PPFIA2: variants seen among roughly 807,000 people sequenced by gnomAD.
PPFIA2 encodes the protein liprin-alpha-2.
PPFIA2 carries 46 observed loss-of-function variants against 175.5 expected under a neutral mutation model. That is an observed-to-expected ratio of 0.26 (90% CI 0.21 to 0.34). PPFIA2 has a LOEUF of 0.34. Among genes scored for constraint, PPFIA2 ranks in the 10% least tolerant of loss-of-function variants. The pLI is 1.00. For missense variants in PPFIA2, 1,179 were observed against 1,506.1 expected (o/e 0.78, Z 3.60); for synonymous variants, 568 against 511.4 (o/e 1.11, Z -1.49).
intron 4 of PPFIA2, among the ~76,000 whole-genome samples, chr12:81,522,369 T>C (rs1265712266): frequency 6.6e-6 from 1 of 152,200 alleles, no homozygotes; most frequent in Non-Finnish European, 1.5e-5. Flanking sequence ...TACATATGTC[T>C]TGCATGATCA....
At chr12:81,260,780 G>T (rs2035195491) in intron 32 of PPFIA2, 1 of 152,058 alleles carries the variant, frequency 6.6e-6, no homozygotes, top group Non-Finnish European at 1.5e-5. Context: ...GTCTATAACT[G>T]TTTTCTCTTA....
chr12:81,348,619 C>G (rs1429129421), intron 17 of PPFIA2, among the ~76,000 whole-genome samples: 2 of 152,040 alleles, frequency 1.3e-5, no homozygotes, highest in African/African-American at 4.8e-5. Context: ...GCCTGTAATC[C>G]CAGCTACTCG....
chr12:81,533,478 A>G (rs1320718256), intron 4 of PPFIA2, among the ~76,000 whole-genome samples: 1 of 151,604 alleles, frequency 6.6e-6, no homozygotes, highest in African/African-American at 2.4e-5. Flanking sequence ...GGTAGATTAC[A>G]CTGAGTTACA....
chr12:81,660,878 G>C (rs541195258), intron 4 of PPFIA2, among the ~76,000 whole-genome samples: 1 of 152,304 alleles, frequency 6.6e-6, no homozygotes, highest in African/African-American at 2.4e-5. Context: ...CCAGATGAGA[G>C]TGGGGGCCAA....
chr12:81,714,065 G>A (rs1018948797), intron 3 of PPFIA2, among the ~76,000 whole-genome samples: 4 of 151,084 alleles, frequency 2.6e-5, no homozygotes, highest in Admixed American at 2.0e-4. Context: ...GAAGAGTTCT[G>A]AGGACCATCC....
chr12:81,665,241 A>G (rs1297571492), intron 4 of PPFIA2, among the ~76,000 whole-genome samples: 2 of 152,044 alleles, frequency 1.3e-5, no homozygotes, highest in Non-Finnish European at 2.9e-5. Context: ...TCTTTTTCTA[A>G]CCCAGAGTTG....
chr12:81,445,485 G>A (rs2051088036), intron 6 of PPFIA2, 71 bp downstream of exon 6: 2 of 1,445,380 alleles, frequency 1.4e-6, no homozygotes, highest in African/African-American at 1.4e-5. Flanking sequence ...GTGAGTCAAT[G>A]GATGAAGACA....
At chr12:81,671,955 T>A (rs942959323) in intron 4 of PPFIA2, among the ~76,000 whole-genome samples, 1 of 151,968 alleles carries the variant, frequency 6.6e-6, no homozygotes, top group African/African-American at 2.4e-5. Context: ...TTTCATCTCA[T>A]CTTGTGCTTA....
chr12:81,386,236 C>A (rs865801263), intron 8 of PPFIA2, among the ~76,000 whole-genome samples: 150 of 151,210 alleles, frequency 9.9e-4, no homozygotes, highest in Admixed American at 4.6e-4. Context: ...CATGATCATG[C>A]CACAGCAATC....
At chr12:81,373,388 G>GA (rs1477652360) in intron 11 of PPFIA2, among the ~76,000 whole-genome samples, 1 of 151,810 alleles carries the variant, frequency 6.6e-6, no homozygotes, top group African/African-American at 2.4e-5. Context: ...GTGTTTGCAA[G>GA]AAAAAATGAA....
At position 81,299,339 on chromosome 12, in the gene PPFIA2, C is replaced by A. The variant is rs753852843; in HGVS notation, c.2686G>T (p.Ala896Ser). 6.3e-7 allele frequency: 1 copy of A among 1,597,026 alleles called. No homozygotes were observed. Among genetic ancestry groups the A allele is most frequent in the Admixed American group, 1.7e-5 (1 of 57,980 alleles). The change falls in exon 23 of 33, where the codon GCC becomes TCC. Residue 896 changes from alanine (A) to serine (S), a missense_variant. Around this residue, in one of 10 missense-constraint regions of PPFIA2, gnomAD observed 44 missense variants for 81.3 expected, o/e 0.54. Transcript: ENST00000549396. ...EEARRKGLPF[A>S]QWDGPTVVAW... Reference sequence around the variant, plus strand: ...ACCACAGTTGGCCCATCCCACTGGGCAAAAGGTAATCCCTTTCTCCGAGCT... The same window carrying A: ...ACCACAGTTGGCCCATCCCACTGGGAAAAAGGTAATCCCTTTCTCCGAGCT...
At chr12:81,451,044 T>G (rs2052471727) in intron 5 of PPFIA2, among the ~76,000 whole-genome samples, 1 of 152,146 alleles carries the variant, frequency 6.6e-6, no homozygotes, top group African/African-American at 2.4e-5. Flanking sequence ...AATTCATAAC[T>G]GCCAACTAGG....
chr12:81,339,204 C>CT lies in PPFIA2; in HGVS notation c.2523dup (p.Glu842ArgfsTer15). 1.2e-6 allele frequency: 2 copies of CT among 1,602,616 alleles called. No individual in the cohort carries two copies. Among genetic ancestry groups the CT allele is most frequent in the Non-Finnish European group, 1.7e-6 (2 of 1,174,866 alleles). On this transcript the variant is annotated frameshift_variant, in exon 21 of 33. Coordinates refer to ENST00000549396, the MANE Select transcript of PPFIA2 (RefSeq NM_003625.5). LOFTEE classifies it high-confidence loss of function. ...CGGAGCTGCCCAAGTCGAGCTTTTT[C>CT]TTTTTTACCAAACAAACGTCCTATT...
rs150398418 is a variant in PPFIA2 at position 81,661,870 on chromosome 12, A to G, written c.303+14921T>C. 9.1e-3 allele frequency among the ~76,000 whole-genome samples: 1,387 copies of G among 152,350 alleles called. 8 individuals carry two copies. The highest frequency in any genetic ancestry group is 0.013 in the Admixed American group (204 of 15,298). The stretch of plus-strand genomic sequence containing the variant: ...CTGTCTCTCAGACCACAGTGCAATC[A>G]AACTAGAATTCAGGATTAAGAAACT... On this transcript the variant is annotated intron_variant, in intron 4 of 32. Transcript: ENST00000549396.
chr12:81,368,948 A>T, intron 12 of PPFIA2, 92 bp from the exon 13 acceptor site: 1 of 1,433,634 alleles, frequency 7.0e-7, no homozygotes, highest in Non-Finnish European at 9.4e-7. Context: ...ATTTAATTTT[A>T]CATCTGTTTT....
intron 13 of PPFIA2, chr12:81,368,014 G>A (rs1281397570): frequency 1.1e-6 from 1 of 927,202 alleles, no homozygotes; most frequent in South Asian, 1.4e-5. Flanking sequence ...TTTATTTTAT[G>A]TACTAATGGA....
chr12:81,529,187 T>G (rs932382797), intron 4 of PPFIA2, among the ~76,000 whole-genome samples: 1 of 152,028 alleles, frequency 6.6e-6, no homozygotes, highest in Non-Finnish European at 1.5e-5. Flanking sequence ...ATTATTCTTA[T>G]TTTAATGGAC....
In PPFIA2 at chr12:81,757,102, G is replaced by A. The variant is rs534427597; in HGVS notation, c.-3+1298C>T. Among the ~76,000 whole-genome samples the A allele has an allele frequency of 1.8e-4, 28 of 152,172 alleles. 1 individual carries two copies. Among genetic ancestry groups the A allele is most frequent in the African/African-American group, 6.5e-4 (27 of 41,524 alleles). On this transcript the variant is annotated intron_variant, in intron 2 of 32. Transcript: ENST00000549396. Reference sequence around the variant, plus strand: ...AAAATATTTGATTAATCCTTAAAATGCAGTATAACATTTCTTAAATGCACA... The same window carrying A: ...AAAATATTTGATTAATCCTTAAAATACAGTATAACATTTCTTAAATGCACA...
intron 3 of PPFIA2, among the ~76,000 whole-genome samples, chr12:81,743,677 C>G (rs2082656931): frequency 6.6e-6 from 1 of 151,924 alleles, no homozygotes; most frequent in Admixed American, 6.6e-5. Flanking sequence ...AAAAGTTGAC[C>G]TTTTCTAGGA....
Sources: gnomAD v4.1 joint callset for allele counts (sites outside exome capture counted in the v4.1 genomes callset) on GRCh38, gnomAD v4.1.1 for gene constraint, gnomAD v4.1.1 regional missense constraint, MANE v1.5 for transcripts, NCBI Gene and HGNC (gene_info 2026-07-23, HGNC 2026-07-21) for gene names.